GABRA2: variants seen among roughly 807,000 people sequenced by gnomAD.
The protein encoded by GABRA2 is gamma-aminobutyric acid receptor subunit alpha-2.
GABRA2 carries 16 observed loss-of-function variants against 48.7 expected under a neutral mutation model. The ratio of observed to expected loss-of-function variants is 0.33; its 90% CI spans 0.22 to 0.50. The LOEUF (loss-of-function observed/expected upper bound fraction) is 0.50, where lower values mean the gene tolerates loss of function less well. Ranked by LOEUF, GABRA2 falls within the 20% of genes least tolerant of loss-of-function variation. GABRA2 has a pLI of 0.98. For missense variants in GABRA2, 275 were observed against 535.6 expected, an observed-to-expected ratio of 0.51 and a Z score of 4.80; for synonymous variants, 185 against 184.5, an observed-to-expected ratio of 1.00 and a Z score of -0.02.
At chr4:46,339,361 C>T (rs947630866) in intron 3 of GABRA2, among the ~76,000 whole-genome samples, 2 of 151,806 alleles carry the variant, frequency 1.3e-5, no homozygotes, top group Non-Finnish European at 2.9e-5. Flanking sequence ...TAGTATTTGT[C>T]TATATCCTCC....
chr4:46,250,519 G>A lies in GABRA2; in HGVS notation c.1145C>T (p.Pro382Leu), dbSNP rs147496964. 2 of 1,611,716 alleles carry A rather than the reference G, an allele frequency of 1.2e-6. No homozygotes were observed. The highest frequency in any genetic ancestry group is 1.3e-5 in the African/African-American group (1 of 74,814). Reference sequence around the variant, plus strand: ...ACTCTTGGAGATGGTGGAGAGAACTGGATCTTTTGAAAGATTCGGGGCATA... The same window carrying A: ...ACTCTTGGAGATGGTGGAGAGAACTAGATCTTTTGAAAGATTCGGGGCATA... ...ANYAPNLSKD[P>L]VLSTISKSAT... The change falls in exon 10 of 10, where the codon CCA becomes CTA. Residue 382 changes from proline to leucine, a missense_variant. Coordinates refer to ENST00000381620, the MANE Select transcript of GABRA2 (RefSeq NM_000807.4).
At chr4:46,351,665 A>G (rs960697922) in intron 3 of GABRA2, among the ~76,000 whole-genome samples, 15 of 152,066 alleles carry the variant, frequency 9.9e-5, no homozygotes, top group Non-Finnish European at 2.2e-4. Context: ...TAATCTTCCA[A>G]GAAAAATGAT....
chr4:46,370,085 A>G (rs1714652166), intron 3 of GABRA2, among the ~76,000 whole-genome samples: 1 of 152,096 alleles, frequency 6.6e-6, no homozygotes, highest in Non-Finnish European at 1.5e-5. Flanking sequence ...CAAAAAAGTG[A>G]ACAGAAGTCA....
chr4:46,280,613 C>A (rs944205644), intron 8 of GABRA2, among the ~76,000 whole-genome samples: 18 of 152,118 alleles, frequency 1.2e-4, no homozygotes, highest in South Asian at 2.1e-4. Flanking sequence ...CTATGTTGGG[C>A]ATAGAGTTCC....
intron 4 of GABRA2, among the ~76,000 whole-genome samples, chr4:46,329,834 G>T (rs1166962458): frequency 6.6e-6 from 1 of 152,004 alleles, no homozygotes. Flanking sequence ...TGGCAAGCCT[G>T]ACTAAATGAG....
chr4:46,317,920 G>T (rs1281729875), intron 4 of GABRA2, among the ~76,000 whole-genome samples: 2 of 151,606 alleles, frequency 1.3e-5, no homozygotes. Context: ...TCAGATCATT[G>T]CAAGTAACAA....
chr4:46,302,136 A>G (rs1725852710), intron 8 of GABRA2, among the ~76,000 whole-genome samples: 1 of 151,446 alleles, frequency 6.6e-6, no homozygotes. Context: ...CGGCATGATC[A>G]TAGCTCACGA....
chr4:46,369,144 C>G, intron 3 of GABRA2: 1 of 574,906 alleles, frequency 1.7e-6, no homozygotes, highest in Non-Finnish European at 3.2e-6. Flanking sequence ...TGGGGCAGCA[C>G]AGTACTTCCT....
intron 2 of GABRA2, 45 bp downstream of exon 2, chr4:46,388,591 A>G (rs1717794100): frequency 6.2e-7 from 1 of 1,606,496 alleles, no homozygotes; most frequent in African/African-American, 1.3e-5. Flanking sequence ...CAAGAAACAC[A>G]TCTTTGCCCT....
At position 46,297,476 on chromosome 4, in the gene GABRA2, C is replaced by CATATATATATATATATATAT. The variant is rs56201706; in HGVS notation, c.856+5964_856+5983dup. 1.9e-3 allele frequency among the ~76,000 whole-genome samples: 168 copies of CATATATATATATATATATAT among 87,784 alleles called. 3 individuals carry two copies. The highest frequency in any genetic ancestry group is 2.7e-3 in the African/African-American group (55 of 20,386). The allele number at this position is 87,784 out of a possible 152,430, so 57.6% of individuals were successfully genotyped here. Reference sequence around the variant, plus strand: ...GAGTTAATACTACTTAATAAAATCCCATATATATATATATATATATATATA... The same window carrying CATATATATATATATATATAT: ...GAGTTAATACTACTTAATAAAATCCCATATATATATATATATATATATATATATATATATATATATATATA... On this transcript the variant is annotated intron_variant, in intron 8 of 9. Transcript: ENST00000381620.
rs774787071 is a variant in GABRA2, at chr4:46,313,515, G to C, written c.256-799C>G. On this transcript the variant is annotated intron_variant, in intron 4 of 9. Transcript: ENST00000381620. Reference sequence around the variant, plus strand: ...AAAATATTGTTACAGACCCGCTAGTGATCATGTCCTCTATTATTTTTCTCC... The same window carrying C: ...AAAATATTGTTACAGACCCGCTAGTCATCATGTCCTCTATTATTTTTCTCC... Among the ~76,000 whole-genome samples, 50 of 151,942 alleles carry C rather than the reference G, an allele frequency of 3.3e-4. 1 individual carries two copies. The highest frequency in any genetic ancestry group is 3.2e-3 in the Middle Eastern group (1 of 314).
intron 3 of GABRA2, among the ~76,000 whole-genome samples, chr4:46,361,059 TA>T (rs1713100111): frequency 6.6e-6 from 1 of 152,160 alleles, no homozygotes; most frequent in African/African-American, 2.4e-5. Flanking sequence ...TAAAAGTTTT[TA>T]AAAAATTGCA....
At chr4:46,377,106 C>G (rs1715855200) in intron 3 of GABRA2, among the ~76,000 whole-genome samples, 1 of 152,110 alleles carries the variant, frequency 6.6e-6, no homozygotes, top group African/African-American at 2.4e-5. Flanking sequence ...TCCCAGCAGC[C>G]TGCCTTGGCC....
intron 3 of GABRA2, among the ~76,000 whole-genome samples, chr4:46,370,402 A>G (rs997739096): frequency 4.6e-5 from 7 of 152,124 alleles, no homozygotes; most frequent in African/African-American, 1.2e-4. Context: ...GGACAAAACA[A>G]ACAAACAAAC....
At chr4:46,343,878 T>G (rs1733706812) in intron 3 of GABRA2, among the ~76,000 whole-genome samples, 1 of 151,944 alleles carries the variant, frequency 6.6e-6, no homozygotes, top group Non-Finnish European at 1.5e-5. Flanking sequence ...AGTCCATGAT[T>G]CCACTGAATA....
At chr4:46,383,388 T>C (rs1166371386) in intron 3 of GABRA2, among the ~76,000 whole-genome samples, 1 of 152,154 alleles carries the variant, frequency 6.6e-6, no homozygotes, top group East Asian at 1.9e-4. Context: ...CACCTCAACA[T>C]TCCTAACTAA....
At chr4:46,254,787 C>T (rs951296762) in intron 9 of GABRA2, among the ~76,000 whole-genome samples, 5 of 151,534 alleles carry the variant, frequency 3.3e-5, no homozygotes, top group Non-Finnish European at 7.4e-5. Flanking sequence ...TCTCTACCTA[C>T]ACATCCCACA....
At chr4:46,301,799 G>T (rs982506681) in intron 8 of GABRA2, among the ~76,000 whole-genome samples, 1 of 152,106 alleles carries the variant, frequency 6.6e-6, no homozygotes, top group African/African-American at 2.4e-5. Context: ...CCAAGTAATT[G>T]AATTCACTGA....
At chr4:46,327,384 G>A (rs561399879) in intron 4 of GABRA2, among the ~76,000 whole-genome samples, 13 of 151,946 alleles carry the variant, frequency 8.6e-5, no homozygotes, top group African/African-American at 2.9e-4. Context: ...ATTCTAGGAG[G>A]GTGCTGAAAA....
Sources: allele counts gnomAD v4.1 joint callset (sites outside exome capture counted in the v4.1 genomes callset), GRCh38; gene constraint gnomAD v4.1.1; transcripts MANE v1.5; gene names NCBI Gene and HGNC (gene_info 2026-07-23, HGNC 2026-07-21).